Variants in TRIM62 observed in about 807,000 individuals in gnomAD.
The protein encoded by TRIM62 is E3 ubiquitin-protein ligase TRIM62.
A neutral mutation model predicts 44.2 loss-of-function variants in TRIM62; 39 were observed. That is an observed-to-expected ratio of 0.88 (90% CI 0.68 to 1.15). The LOEUF is 1.15. TRIM62 is among the 50% of genes most tolerant of loss of function. TRIM62 has a pLI of 0.00. For synonymous variants in TRIM62, 278 were observed against 292.3 expected, an observed-to-expected ratio of 0.95 and a Z score of 0.50; for missense variants, 544 against 665.5, an observed-to-expected ratio of 0.82 and a Z score of 2.01.
At position 33,147,196 on chromosome 1, in the gene TRIM62, A is replaced by G; in HGVS notation, c.1409T>C (p.Ile470Thr). The G allele has an allele frequency of 6.2e-7, 1 of 1,613,638 alleles. No homozygotes were observed. The highest frequency in any genetic ancestry group is 8.5e-7 in the Non-Finnish European group (1 of 1,180,012). The change falls in exon 5 of 5, where the codon ATC (isoleucine) becomes ACC (threonine). Residue 470 changes from isoleucine (I) to threonine (T), a missense_variant. Physicochemically the swap from Ile to Thr is moderately conservative, Grantham distance 89. Coordinates refer to ENST00000291416, the MANE Select transcript of TRIM62 (RefSeq NM_018207.3). This position sits in a 1 kb window ranked among gnomAD's most constrained non-coding sequence, Gnocchi z 8.1. ...CCTGGACTAGATGCGGACGGTGTTG[A>G]TCCGCAGCGGCTGAACGTTCTTGCC... ...ANGKNVQPLR[I>T]NTVRI is the part of the protein sequence containing the mutation.
Position 33,147,685 on chromosome 1 carries a change from C to G in TRIM62, c.920G>C (p.Arg307Pro). Residue 307 changes from arginine to proline, a missense_variant, in exon 5 of 5, where the codon CGC (arginine) becomes CCC (proline). By Grantham distance (103) the Arg-to-Pro change is moderately radical (BLOSUM62 -2). Coordinates refer to ENST00000291416, the MANE Select transcript of TRIM62 (RefSeq NM_018207.3). The surrounding 1 kb of genome is among the most constrained non-coding windows in gnomAD (Gnocchi z 8.1). ...GGTGCAGTCGTCCGACAGGATCAGG[C>G]GCTGGTGGGCTGTGCCCGGGTCCAG... The part of the protein sequence containing the change: ...LTLDPGTAHQ[R>P]LILSDDCTIV... 6.2e-7 allele frequency: 1 copy of G among 1,613,478 alleles called. No homozygotes were observed. Among genetic ancestry groups the G allele is most frequent in the Non-Finnish European group, 8.5e-7 (1 of 1,179,854 alleles).
Position 33,147,494 on chromosome 1 carries a change from C to T in TRIM62, c.1111G>A (p.Ala371Thr). 1 of 1,613,246 alleles carries T rather than the reference C, an allele frequency of 6.2e-7. No individual in the cohort carries two copies. The highest frequency in any genetic ancestry group is 8.5e-7 in the Non-Finnish European group (1 of 1,179,856). ...TQWVIGLAHEAASRKGSIQIQ... is the reference protein window; with the variant it reads ...TQWVIGLAHETASRKGSIQIQ... ...TGGATGCTGCCCTTGCGGCTTGCGG[C>T]TTCGTGTGCCAGCCCGATCACCCAC... Residue 371 changes from alanine (A) to threonine (T), a missense_variant, in exon 5 of 5, where the codon GCC (alanine) becomes ACC (threonine). Transcript: ENST00000291416. The surrounding 1 kb of genome is among the most constrained non-coding windows in gnomAD (Gnocchi z 8.1).
chr1:33,167,977 G>A lies in TRIM62; in HGVS notation c.409-2411C>T, dbSNP rs1419799146. On this transcript the variant is annotated intron_variant, in intron 1 of 4. Coordinates refer to ENST00000291416, the MANE Select transcript of TRIM62 (RefSeq NM_018207.3). The surrounding 1 kb of genome is among the most constrained non-coding windows in gnomAD (Gnocchi z 4.2). ...ACACAGTCCCTGATCATAGGGACTA[G>A]TCTGGTGGGGAAGACAGACAACAAA... 6.6e-6 allele frequency among the ~76,000 whole-genome samples: 1 copy of A among 152,234 alleles called. No homozygotes were observed. The highest frequency in any genetic ancestry group is 1.5e-5 in the Non-Finnish European group (1 of 68,042).
chr1:33,166,523 T>C (rs1645329110), intron 1 of TRIM62, among the ~76,000 whole-genome samples: 1 of 152,116 alleles, frequency 6.6e-6, no homozygotes, highest in Non-Finnish European at 1.5e-5. Context: ...ATTAAATCAT[T>C]TGGGCCTCTC....
intron 1 of TRIM62, among the ~76,000 whole-genome samples, chr1:33,174,233 G>T (rs1645396403): frequency 6.6e-6 from 1 of 151,432 alleles, no homozygotes; most frequent in Non-Finnish European, 1.5e-5. Flanking sequence ...GCTGGCTGTA[G>T]TGCAGTGGCA....
intron 1 of TRIM62, among the ~76,000 whole-genome samples, chr1:33,174,945 G>GTATATATATATATATATA (rs72310095): frequency 1.4e-5 from 2 of 141,742 alleles, no homozygotes; most frequent in East Asian, 4.1e-4. Flanking sequence ...ATATATGTGT[G>GTATATATATATATATATA]TATATATATA....
At position 33,180,918 on chromosome 1, in the gene TRIM62, A is replaced by G. The variant is rs1296596395; in HGVS notation, c.408+107T>C. The stretch of plus-strand genomic sequence containing the variant: ...ACCTTGCTGGCGGCCCCGCCCCAGG[A>G]CCATTCTGACTGGGCCTGGCCCGCG... On this transcript the variant is annotated intron_variant, in intron 1 of 4. Transcript: ENST00000291416. 5.1e-5 allele frequency: 31 copies of G among 608,432 alleles called. No individual in the cohort carries two copies. The African/African-American group carries it at 5.8e-4, about 11-fold the overall frequency. The allele number at this position is 608,432 out of a possible 1,614,324, so 37.7% of individuals were successfully genotyped here. A position where few individuals can be genotyped will look rare whatever the true frequency, so the allele number is the denominator to read the frequency against.
intron 1 of TRIM62, chr1:33,176,399 C>A (rs1348494708): frequency 1.4e-6 from 1 of 695,376 alleles, no homozygotes; most frequent in Non-Finnish European, 2.6e-6. Flanking sequence ...ATCACCATAC[C>A]CTGCCTACCA....
At chr1:33,173,031 C>G (rs1645386353) in intron 1 of TRIM62, among the ~76,000 whole-genome samples, 1 of 152,224 alleles carries the variant, frequency 6.6e-6, no homozygotes, top group Non-Finnish European at 1.5e-5. Context: ...ACTGCTCTCT[C>G]TTTCCCTCTC....
intron 4 of TRIM62, among the ~76,000 whole-genome samples, chr1:33,148,908 C>T (rs1645056159): frequency 6.6e-6 from 1 of 152,150 alleles, no homozygotes; most frequent in Non-Finnish European, 1.5e-5. Context: ...ATTGGCAGAG[C>T]CAGGACTAAC....
chr1:33,179,817 G>C (rs1409299845), intron 1 of TRIM62, among the ~76,000 whole-genome samples: 1 of 152,002 alleles, frequency 6.6e-6, no homozygotes, highest in Non-Finnish European at 1.5e-5. Flanking sequence ...AAGTAAGCTT[G>C]GGAACCATTT....
At chr1:33,179,496 G>C (rs1339728205) in intron 1 of TRIM62, among the ~76,000 whole-genome samples, 1 of 152,232 alleles carries the variant, frequency 6.6e-6, no homozygotes, top group Non-Finnish European at 1.5e-5. Flanking sequence ...CTCGAGGCCA[G>C]AGAGCTCATT....
At chr1:33,148,582 T>C (rs955555945) in intron 4 of TRIM62, among the ~76,000 whole-genome samples, 8 of 152,222 alleles carry the variant, frequency 5.3e-5, no homozygotes, top group Admixed American at 1.3e-4. Context: ...AGTGTGATTG[T>C]GGGTGAGCAT....
rs1378174457 is a variant in TRIM62, at chr1:33,161,125, T to C, written c.505-1181A>G. Among the ~76,000 whole-genome samples, 1 of 152,194 alleles carries C rather than the reference T, an allele frequency of 6.6e-6. No individual in the cohort carries two copies. Among genetic ancestry groups the C allele is most frequent in the Non-Finnish European group, 1.5e-5 (1 of 68,028 alleles). The stretch of plus-strand genomic sequence containing the variant: ...CTGCATTGTAGGATTGTGGTGAAGA[T>C]GAAATGAGGGGGTGTTGTTGTGCGC... On this transcript the variant is annotated intron_variant, in intron 2 of 4. Transcript: ENST00000291416. This position sits in a 1 kb window ranked among gnomAD's most constrained non-coding sequence, Gnocchi z 4.3.
intron 2 of TRIM62, among the ~76,000 whole-genome samples, chr1:33,160,507 C>T (rs1297150023): frequency 3.9e-5 from 6 of 152,094 alleles, no homozygotes; most frequent in African/African-American, 1.2e-4. Context: ...TGGGTTCAGG[C>T]GATTCTCCAG....
intron 4 of TRIM62, among the ~76,000 whole-genome samples, chr1:33,149,209 G>C (rs1253026432): frequency 2.0e-5 from 3 of 152,176 alleles, no homozygotes; most frequent in Admixed American, 1.3e-4. Flanking sequence ...CGGGAATGCA[G>C]TGGCATGATC....
chr1:33,149,939 T>A (rs1645073779), intron 4 of TRIM62, among the ~76,000 whole-genome samples: 1 of 152,206 alleles, frequency 6.6e-6, no homozygotes, highest in Admixed American at 6.5e-5. Context: ...CCGGAAAGAC[T>A]CACCAAATTA....
At chr1:33,148,337 A>C (rs1054999707) in intron 4 of TRIM62, among the ~76,000 whole-genome samples, 4 of 152,214 alleles carry the variant, frequency 2.6e-5, no homozygotes, top group African/African-American at 9.6e-5. Context: ...TATAAACATG[A>C]AATTTTTTTT....
At position 33,174,945 on chromosome 1, in the gene TRIM62, G is replaced by GTATATATA. The variant is rs72310095; in HGVS notation, c.408+6072_408+6079dup. ...CACACACACACATACATATATGTGT[G>GTATATATA]TATATATATATATATATATATATAC... On this transcript the variant is annotated intron_variant, in intron 1 of 4. Coordinates refer to ENST00000291416, the MANE Select transcript of TRIM62 (RefSeq NM_018207.3). 2.5e-4 allele frequency among the ~76,000 whole-genome samples: 36 copies of GTATATATA among 141,748 alleles called. No individual in the cohort carries two copies. In the East Asian group the frequency reaches 6.4e-3, roughly 25 times the overall value. 93.0% of individuals were successfully genotyped at this position (141,748 alleles called of 152,430 possible). A position where few individuals can be genotyped will look rare whatever the true frequency, so the allele number is the denominator to read the frequency against.
Sources: gnomAD v4.1 joint callset for allele counts (sites outside exome capture counted in the v4.1 genomes callset) on GRCh38, gnomAD v4.1.1 for gene constraint, Gnocchi (gnomAD v3.1) non-coding constraint, MANE v1.5 for transcripts, NCBI Gene and HGNC (gene_info 2026-07-23, HGNC 2026-07-21) for gene names.